The following NELL2 variants were observed in gnomAD, a reference collection of about 807,000 sequenced individuals.
NELL2 encodes the protein protein kinase C-binding protein NELL2.
A neutral mutation model predicts 109.6 loss-of-function variants in NELL2; 41 were observed. The ratio of observed to expected loss-of-function variants is 0.37; its 90% CI spans 0.29 to 0.49. The LOEUF is 0.49. Among genes scored for constraint, NELL2 ranks in the 20% least tolerant of loss-of-function variants. The probability of loss-of-function intolerance (pLI) is 0.98; values close to 1 mark genes in which losing one functional copy is unlikely to be tolerated. For synonymous variants in NELL2, 355 were observed against 344.7 expected (o/e 1.03, Z -0.33); for missense variants, 900 against 1,008.3 (o/e 0.89, Z 1.45).
chr12:44,567,593 A>G (rs1943708789), intron 15 of NELL2, among the ~76,000 whole-genome samples: 1 of 152,230 alleles, frequency 6.6e-6, no homozygotes, highest in Non-Finnish European at 1.5e-5. Flanking sequence ...GCATGTACTG[A>G]AATATAGCCT....
rs564595275 is a variant in NELL2 at position 44,797,603 on chromosome 12, T to C, written c.336-17581A>G. Among the ~76,000 whole-genome samples, 8 of 151,832 alleles carry C rather than the reference T, an allele frequency of 5.3e-5. No individual in the cohort carries two copies. The South Asian group carries it at 1.5e-3, about 28-fold the overall frequency. Reference sequence around the variant, plus strand: ...AATATATAATTTTTCTGATATAAAATAATAGGTTGCAATTAGACAAAATTA... The same window carrying C: ...AATATATAATTTTTCTGATATAAAACAATAGGTTGCAATTAGACAAAATTA... On this transcript the variant is annotated intron_variant, in intron 3 of 19. Coordinates refer to ENST00000429094, the MANE Select transcript of NELL2 (RefSeq NM_001145108.2).
intron 15 of NELL2, among the ~76,000 whole-genome samples, chr12:44,586,351 C>A (rs1944502899): frequency 6.6e-6 from 1 of 150,514 alleles, no homozygotes; most frequent in South Asian, 2.1e-4. Context: ...GTATGTCATA[C>A]ATATGTCATA....
At chr12:44,550,958 C>T (rs1347382154) in intron 15 of NELL2, among the ~76,000 whole-genome samples, 1 of 152,074 alleles carries the variant, frequency 6.6e-6, no homozygotes, top group African/African-American at 2.4e-5. Flanking sequence ...ATAGTATCTA[C>T]AGCTAACAAT....
chr12:44,520,267 G>A, intron 18 of NELL2, 38 bp from the exon 19 acceptor site: 1 of 1,545,008 alleles, frequency 6.5e-7, no homozygotes, highest in Middle Eastern at 1.9e-4. Flanking sequence ...AGAGGGAGAG[G>A]GAGGAGGAAA....
chr12:44,523,191 G>C, intron 17 of NELL2, 100 bp downstream of exon 17: 1 of 1,098,498 alleles, frequency 9.1e-7, no homozygotes, highest in Non-Finnish European at 1.4e-6. Context: ...TAGGTAAGTG[G>C]ATGTACACAT....
intron 17 of NELL2, 32 bp downstream of exon 17, chr12:44,523,259 A>C (rs766329552): frequency 6.2e-7 from 1 of 1,609,670 alleles, no homozygotes; most frequent in South Asian, 1.1e-5. Context: ...ACAACTGAAT[A>C]AAATTAATTA....
At chr12:44,644,575 GTAAAGTATA>G (rs1429453523) in intron 13 of NELL2, among the ~76,000 whole-genome samples, 2 of 84,716 alleles carry the variant, frequency 2.4e-5, no homozygotes, top group East Asian at 4.4e-4. Context: ...ACCAGACAAA[GTAAAGTATA>G]TATATATATA....
At chr12:44,725,543 C>G (rs1043698700) in intron 9 of NELL2, among the ~76,000 whole-genome samples, 1 of 152,152 alleles carries the variant, frequency 6.6e-6, no homozygotes, top group Non-Finnish European at 1.5e-5. Flanking sequence ...ACCATAAAGA[C>G]ACATGCACGT....
intron 11 of NELL2, among the ~76,000 whole-genome samples, chr12:44,706,129 T>G (rs2136425660): frequency 6.6e-6 from 1 of 152,314 alleles, no homozygotes; most frequent in Middle Eastern, 3.4e-3. Flanking sequence ...GTGATCCAAC[T>G]TTCACTGTTT....
chr12:44,655,315 T>A (rs1037398434), intron 13 of NELL2, among the ~76,000 whole-genome samples: 1 of 152,158 alleles, frequency 6.6e-6, no homozygotes, highest in African/African-American at 2.4e-5. Context: ...TGTATATGGA[T>A]ATGACAGATG....
intron 2 of NELL2, among the ~76,000 whole-genome samples, chr12:44,850,120 T>C (rs897087849): frequency 3.9e-5 from 6 of 152,302 alleles, no homozygotes; most frequent in East Asian, 1.9e-4. Flanking sequence ...GTGCATTTAA[T>C]TGCATGTTAA....
At chr12:44,800,518 C>A (rs1365617112) in intron 3 of NELL2, among the ~76,000 whole-genome samples, 1 of 152,138 alleles carries the variant, frequency 6.6e-6, no homozygotes, top group Non-Finnish European at 1.5e-5. Flanking sequence ...AAGTAATATT[C>A]CCAAAATGGT....
intron 3 of NELL2, among the ~76,000 whole-genome samples, chr12:44,785,359 C>T (rs1258923085): frequency 1.3e-5 from 2 of 152,086 alleles, no homozygotes; most frequent in South Asian, 2.1e-4. Context: ...GAACTACAAA[C>T]CAATGCTGGA....
chr12:44,908,385 T>C (rs1483184228), intron 1 of NELL2, among the ~76,000 whole-genome samples: 2 of 151,860 alleles, frequency 1.3e-5, no homozygotes, highest in East Asian at 3.9e-4. Context: ...GGTCAAAAGA[T>C]TGTTGAGTAA....
intron 2 of NELL2, among the ~76,000 whole-genome samples, chr12:44,860,747 T>C (rs1001547536): frequency 4.6e-5 from 7 of 152,212 alleles, no homozygotes; most frequent in African/African-American, 1.7e-4. Flanking sequence ...TAATTTCATT[T>C]GCAAATCTAA....
At position 44,875,223 on chromosome 12, in the gene NELL2, A is replaced by G; in HGVS notation, c.184+2T>C. On this transcript the variant is annotated splice_donor_variant, in intron 2 of 19. Coordinates refer to ENST00000429094, the MANE Select transcript of NELL2 (RefSeq NM_001145108.2). LOFTEE classifies it high-confidence loss of function. ...AGTGGGGATGCAGCACGCCGGGCAT[A>G]CCTTGAAAGAGAAAGGCTTTCGTCC... 1 of 1,609,052 alleles carries G rather than the reference A, an allele frequency of 6.2e-7. No homozygotes were observed. Among genetic ancestry groups the G allele is most frequent in the Non-Finnish European group, 8.5e-7 (1 of 1,176,472 alleles).
intron 15 of NELL2, among the ~76,000 whole-genome samples, chr12:44,599,094 A>C (rs1368243633): frequency 1.3e-5 from 2 of 152,150 alleles, no homozygotes; most frequent in South Asian, 4.1e-4. Flanking sequence ...GCATTGTAAT[A>C]CCCCTGCTAC....
chr12:44,777,356 T>G lies in NELL2; in HGVS notation c.607-42A>C, dbSNP rs538874357. On this transcript the variant is annotated intron_variant, in intron 5 of 19. Coordinates refer to ENST00000429094, the MANE Select transcript of NELL2 (RefSeq NM_001145108.2). ...GAAAAAAAAGACATATTACTTTCAT[T>G]TACCCAAATTATGTTCAATGGTCAA... The G allele has an allele frequency of 3.4e-6, 5 of 1,491,198 alleles. No homozygotes were observed. In the South Asian group the frequency reaches 4.5e-5, roughly 14 times the overall value. 92.4% of individuals were successfully genotyped at this position (1,491,198 alleles called of 1,614,324 possible).
chr12:44,658,937 C>G (rs1373315989), intron 13 of NELL2, among the ~76,000 whole-genome samples: 1 of 150,878 alleles, frequency 6.6e-6, no homozygotes, highest in African/African-American at 2.4e-5. Flanking sequence ...ATCACACTAC[C>G]TGATTTCAAA....
Sources: allele counts gnomAD v4.1 joint callset (sites outside exome capture counted in the v4.1 genomes callset), GRCh38; gene constraint gnomAD v4.1.1; transcripts MANE v1.5; gene names NCBI Gene and HGNC (gene_info 2026-07-23, HGNC 2026-07-21).